SMOC1: variants seen among roughly 807,000 people sequenced by gnomAD.
The protein encoded by SMOC1 is SPARC-related modular calcium-binding protein 1.
Under a neutral mutation model 56.3 loss-of-function variants are expected in SMOC1, and 22 were observed. The observed-to-expected ratio is 0.39, with a 90% CI of 0.28 to 0.56. The LOEUF is 0.56. Ranked by LOEUF, SMOC1 falls within the 20% of genes least tolerant of loss-of-function variation. The pLI, the probability that SMOC1 is intolerant of heterozygous loss-of-function variation, is 0.61. For synonymous variants in SMOC1, 193 were observed against 215.0 expected (o/e 0.90, Z 0.89); for missense variants, 509 against 565.4 (o/e 0.90, Z 1.01).
rs953211687 is a variant in SMOC1, at chr14:70,031,390, C to T, written c.*1132C>T. On this transcript the variant is annotated 3_prime_UTR_variant, in exon 12 of 12. Transcript: ENST00000361956. ...CACTCCTCCATCTCCTGCTGTTGTC[C>T]TAGTGGCTATCACAGGCCTGGGTGG... The T allele has an allele frequency of 1.8e-5, 2 of 112,608 alleles. No individual in the cohort carries two copies. Among genetic ancestry groups the T allele is most frequent in the Non-Finnish European group, 3.3e-5 (2 of 61,172 alleles). The allele number at this position is 112,608 out of a possible 1,614,324, so 7.0% of individuals were successfully genotyped here.
At chr14:69,942,433 A>C (rs767517967) in intron 1 of SMOC1, among the ~76,000 whole-genome samples, 8 of 152,120 alleles carry the variant, frequency 5.3e-5, no homozygotes, top group Non-Finnish European at 1.0e-4. Context: ...GCTGAGTTGT[A>C]ATTTGCGTGG....
intron 10 of SMOC1, among the ~76,000 whole-genome samples, chr14:70,017,641 A>G (rs1255762852): frequency 6.6e-6 from 1 of 152,136 alleles, no homozygotes; most frequent in Non-Finnish European, 1.5e-5. Context: ...CTCCCAGTCT[A>G]CTTCCTGTCA....
chr14:69,880,787 T>G (rs1883617100), intron 1 of SMOC1, among the ~76,000 whole-genome samples: 1 of 152,260 alleles, frequency 6.6e-6, no homozygotes, highest in South Asian at 2.1e-4. Context: ...AACCAACTCG[T>G]GCTTTCTTTC....
chr14:69,894,839 A>G (rs1884053181), intron 1 of SMOC1, among the ~76,000 whole-genome samples: 2 of 152,232 alleles, frequency 1.3e-5, no homozygotes, highest in African/African-American at 4.8e-5. Flanking sequence ...GGAAAATTTC[A>G]GAATAGAATA....
In SMOC1 at chr14:69,975,794, A is replaced by C; in HGVS notation, c.458A>C (p.Asn153Thr). 1 of 1,612,410 alleles carries C rather than the reference A, an allele frequency of 6.2e-7. No homozygotes were observed. The highest frequency in any genetic ancestry group is 8.5e-7 in the Non-Finnish European group (1 of 1,179,728). ...GKPISGSSVQNKTPVCSGSVT... is the reference protein window; with the variant it reads ...GKPISGSSVQTKTPVCSGSVT... ...CCCATCAGTGGCTCTTCTGTGCAGA[A>C]TAAAACTCCTGTATGTTCAGGTACC... Residue 153 changes from asparagine to threonine, a missense_variant, in exon 4 of 12, where the codon AAT becomes ACT. Coordinates refer to ENST00000361956, the MANE Select transcript of SMOC1 (RefSeq NM_001034852.3).
chr14:69,947,422 G>T (rs1036487874), intron 1 of SMOC1, among the ~76,000 whole-genome samples: 2 of 152,038 alleles, frequency 1.3e-5, no homozygotes, highest in Non-Finnish European at 2.9e-5. Context: ...CCACCTTCTT[G>T]ACCTCCCAAA....
chr14:69,940,111 T>C (rs757134927), intron 1 of SMOC1, among the ~76,000 whole-genome samples: 5 of 152,224 alleles, frequency 3.3e-5, no homozygotes, highest in Admixed American at 6.5e-5. Context: ...ACAAGTCTCT[T>C]GCGAAAACAA....
chr14:70,023,183 G>A lies in SMOC1; in HGVS notation c.1047-20G>A. On this transcript the variant is annotated intron_variant, in intron 10 of 11. Coordinates refer to ENST00000361956, the MANE Select transcript of SMOC1 (RefSeq NM_001034852.3). ...CCTGATTGGTGTTCTCTGCGGTGGG[G>A]GTGTTTGTCCATGGCCCAGGTTCTC... 1 of 1,613,982 alleles carries A rather than the reference G, an allele frequency of 6.2e-7. No homozygotes were observed. The highest frequency in any genetic ancestry group is 8.5e-7 in the Non-Finnish European group (1 of 1,180,006).
At chr14:69,964,527 A>G (rs1295667613) in intron 3 of SMOC1, among the ~76,000 whole-genome samples, 1 of 151,648 alleles carries the variant, frequency 6.6e-6, no homozygotes, top group Non-Finnish European at 1.5e-5. Flanking sequence ...ACAGGTGCCC[A>G]CCACCACGCC....
intron 11 of SMOC1, among the ~76,000 whole-genome samples, chr14:70,024,434 G>GT (rs1885849408): frequency 1.3e-5 from 2 of 152,254 alleles, no homozygotes; most frequent in South Asian, 4.1e-4. Flanking sequence ...GTAAAGAGCT[G>GT]TAAGTTTTTT....
At chr14:70,028,918 C>T (rs1769979881) in intron 11 of SMOC1, among the ~76,000 whole-genome samples, 1 of 152,232 alleles carries the variant, frequency 6.6e-6, no homozygotes, top group Admixed American at 6.5e-5. Flanking sequence ...AGCTGTGGCT[C>T]ACATGACCAG....
intron 1 of SMOC1, among the ~76,000 whole-genome samples, chr14:69,888,186 C>G (rs778010390): frequency 6.6e-6 from 1 of 152,132 alleles, no homozygotes; most frequent in Non-Finnish European, 1.5e-5. Context: ...TAGATTTGTA[C>G]AGTATGTGCT....
Position 70,030,755 on chromosome 14 carries a change from C to G in SMOC1, c.*497C>G, listed in dbSNP as rs1886120178. Reference sequence around the variant, plus strand: ...ACTCTATCCTGGGCCTACTAAACTTCTGTTTGGAGACTGACCCTTGTGTAT... The same window carrying G: ...ACTCTATCCTGGGCCTACTAAACTTGTGTTTGGAGACTGACCCTTGTGTAT... On this transcript the variant is annotated 3_prime_UTR_variant, in exon 12 of 12. Transcript: ENST00000361956. The G allele has an allele frequency of 1.3e-5, 2 of 155,314 alleles. No homozygotes were observed. The highest frequency in any genetic ancestry group is 6.4e-5 in the Admixed American group (1 of 15,684). 9.6% of individuals were successfully genotyped at this position (155,314 alleles called of 1,614,324 possible). A position where few individuals can be genotyped will look rare whatever the true frequency, so the allele number is the denominator to read the frequency against.
chr14:69,981,481 C>T (rs1037511224), intron 5 of SMOC1, among the ~76,000 whole-genome samples: 4 of 152,120 alleles, frequency 2.6e-5, no homozygotes, highest in African/African-American at 9.7e-5. Flanking sequence ...TGCCCCCTCC[C>T]CTTCTTCTCC....
At chr14:69,994,699 T>A (rs1884704650) in intron 7 of SMOC1, among the ~76,000 whole-genome samples, 2 of 152,236 alleles carry the variant, frequency 1.3e-5, no homozygotes, top group Admixed American at 1.3e-4. Context: ...TCGTTGATCC[T>A]CTTAACAAAT....
intron 1 of SMOC1, among the ~76,000 whole-genome samples, chr14:69,881,976 A>G (rs1467560689): frequency 2.0e-5 from 3 of 152,228 alleles, no homozygotes; most frequent in Admixed American, 2.0e-4. Context: ...CCAGGCAGCT[A>G]TAGTGAGTGT....
In SMOC1 at chr14:69,879,835, C is replaced by T. The variant is rs948849091; in HGVS notation, c.99+58C>T. 7.0e-5 allele frequency: 101 copies of T among 1,441,832 alleles called. No individual in the cohort carries two copies. In the East Asian group the frequency reaches 2.2e-3, roughly 31 times the overall value. 89.3% of individuals were successfully genotyped at this position (1,441,832 alleles called of 1,614,324 possible). ...GGAGGGAGGGGAGGTTGCTTCCCCC[C>T]TCATCCCTGAGGGAAGGAGGAGGGG... On this transcript the variant is annotated intron_variant, in intron 1 of 11. Coordinates refer to ENST00000361956, the MANE Select transcript of SMOC1 (RefSeq NM_001034852.3).
chr14:69,907,402 T>C (rs1186418900), intron 1 of SMOC1, among the ~76,000 whole-genome samples: 1 of 152,246 alleles, frequency 6.6e-6, no homozygotes, highest in African/African-American at 2.4e-5. Flanking sequence ...TGCTTAAATA[T>C]ATGGTGATTT....
At chr14:69,930,747 G>C (rs1566677801) in intron 1 of SMOC1, among the ~76,000 whole-genome samples, 1 of 152,194 alleles carries the variant, frequency 6.6e-6, no homozygotes, top group Non-Finnish European at 1.5e-5. Flanking sequence ...CGGCTTCCCA[G>C]GCAAGGACAC....
Sources: gnomAD v4.1 joint callset for allele counts (sites outside exome capture counted in the v4.1 genomes callset) on GRCh38, gnomAD v4.1.1 for gene constraint, MANE v1.5 for transcripts, NCBI Gene and HGNC (gene_info 2026-07-23, HGNC 2026-07-21) for gene names.